The following NBPF9 variants were observed in gnomAD, a reference collection of about 807,000 sequenced individuals.
The protein encoded by NBPF9 is NBPF member 9.
NBPF9 carries 91 observed loss-of-function variants against 97.8 expected under a neutral mutation model. The ratio of observed to expected loss-of-function variants is 0.93; its 90% CI spans 0.79 to 1.11. The LOEUF (loss-of-function observed/expected upper bound fraction) is 1.11. Among genes scored for constraint, NBPF9 ranks in the 50% least tolerant of loss-of-function variants. NBPF9 has a pLI of 0.00. For missense variants in NBPF9, 992 were observed against 939.5 expected (o/e 1.06, Z -0.73); for synonymous variants, 334 against 359.5 (o/e 0.93, Z 0.80).
chr1:149,063,613 C>T lies in NBPF9; in HGVS notation c.2026+20G>A, dbSNP rs1553650685. ...AGAAGACTCAGTGGATCCTTATCAC[C>T]TTCATAGAAAGGTACTCACCATCCA... On this transcript the variant is annotated intron_variant, in intron 20 of 29. Coordinates refer to ENST00000584027, the Ensembl canonical transcript of NBPF9. 2 of 607,340 alleles carry T rather than the reference C, an allele frequency of 3.3e-6. No individual in the cohort carries two copies. The highest frequency in any genetic ancestry group is 2.8e-6 in the Non-Finnish European group (1 of 351,646). The allele number at this position is 607,340 out of a possible 1,614,324, so 37.6% of individuals were successfully genotyped here.
chr1:149,083,678 A>AT (rs1229320554), intron 5 of NBPF9, among the ~76,000 whole-genome samples: 1 of 151,836 alleles, frequency 6.6e-6, no homozygotes, highest in Non-Finnish European at 1.5e-5. Context: ...ATACATACAT[A>AT]TTTTTTGCTG....
intron 5 of NBPF9, among the ~76,000 whole-genome samples, chr1:149,089,188 G>T (rs1246202062): frequency 1.3e-5 from 2 of 152,190 alleles, no homozygotes; most frequent in African/African-American, 4.8e-5. Context: ...GCAGAGGAGA[G>T]GTGCCACAGG....
chr1:149,080,792 AATAG>A (rs1337829143), intron 7 of NBPF9, among the ~76,000 whole-genome samples: 3 of 121,014 alleles, frequency 2.5e-5, no homozygotes, highest in Non-Finnish European at 5.2e-5. Context: ...ATGAAGAACT[AATAG>A]ATAGTGTTTA....
chr1:149,064,378 G>C, intron 19 of NBPF9, 53 bp downstream of exon 19: 1 of 781,458 alleles, frequency 1.3e-6, no homozygotes, highest in South Asian at 1.4e-5. Flanking sequence ...CCCTGGACTT[G>C]GCATCTCCAG....
At chr1:149,089,190 T>C (rs4067695) in intron 5 of NBPF9, among the ~76,000 whole-genome samples, 1 of 151,862 alleles carries the variant, frequency 6.6e-6, no homozygotes, top group Non-Finnish European at 1.5e-5. Flanking sequence ...AGAGGAGAGG[T>C]GCCACAGGAC....
chr1:149,086,946 A>G (rs1360553670), intron 5 of NBPF9, among the ~76,000 whole-genome samples: 1 of 152,092 alleles, frequency 6.6e-6, no homozygotes, highest in Non-Finnish European at 1.5e-5. Flanking sequence ...TTTAACCTTT[A>G]AGAAACTGTT....
chr1:149,081,128 T>C (rs2080399408), intron 7 of NBPF9, among the ~76,000 whole-genome samples: 3 of 152,108 alleles, frequency 2.0e-5, no homozygotes, highest in African/African-American at 4.8e-5. Flanking sequence ...ATCTTTTTGT[T>C]TGTTTGTTTT....
intron 4 of NBPF9, among the ~76,000 whole-genome samples, chr1:149,093,014 G>C (rs1158653875): frequency 1.3e-4 from 19 of 151,754 alleles, no homozygotes; most frequent in Non-Finnish European, 1.6e-4. Context: ...AGCATACAGA[G>C]GACCCATGCC....
intron 4 of NBPF9, among the ~76,000 whole-genome samples, chr1:149,094,662 A>G (rs1482862950): frequency 4.4e-4 from 64 of 146,430 alleles, no homozygotes; most frequent in Non-Finnish European, 7.4e-4. Flanking sequence ...ACAAACTTTT[A>G]GGTTTCTATT....
chr1:149,082,461 G>A (rs1489038993), intron 5 of NBPF9, 31 bp from the exon 6 acceptor site: 20 of 775,804 alleles, frequency 2.6e-5, no homozygotes, highest in Non-Finnish European at 3.8e-5. Context: ...TTAGAAGGTG[G>A]GGGTGTCATG....
chr1:149,102,357 CTGG>C (rs1479212145), intron 2 of NBPF9, among the ~76,000 whole-genome samples: 2 of 138,790 alleles, frequency 1.4e-5, no homozygotes, highest in African/African-American at 2.7e-5. Context: ...TTCTGGTTCA[CTGG>C]TGAAATTTTA....
At chr1:149,086,195 C>A (rs1270684636) in intron 5 of NBPF9, among the ~76,000 whole-genome samples, 4 of 148,814 alleles carry the variant, frequency 2.7e-5, no homozygotes, top group African/African-American at 7.3e-5. Flanking sequence ...AGCATCCATA[C>A]GTGGCAGGCC....
intron 5 of NBPF9, among the ~76,000 whole-genome samples, chr1:149,087,383 A>G (rs1553658909): frequency 6.6e-6 from 1 of 150,640 alleles, no homozygotes; most frequent in Non-Finnish European, 1.5e-5. Flanking sequence ...ACATATATAT[A>G]TGTCCTAAGA....
intron 5 of NBPF9, among the ~76,000 whole-genome samples, chr1:149,086,302 G>T (rs1483009823): frequency 2.0e-5 from 3 of 151,516 alleles, no homozygotes; most frequent in Non-Finnish European, 2.9e-5. Flanking sequence ...AGAAGCCAGT[G>T]CCCTTATACA....
chr1:149,062,794 G>T, intron 21 of NBPF9, 68 bp downstream of exon 21: 18 of 764,452 alleles, frequency 2.4e-5, no homozygotes, highest in Admixed American at 5.1e-5. Context: ...ACACACTCTT[G>T]TTTTCCCTGG....
rs1575870653 is a variant in NBPF9 at position 149,089,567 on chromosome 1, G to A, written c.-195+1186C>T. ...GGCATAAGACAGGATGGAAATGAGT[G>A]GAGAGTGGATCTGTGGGAAGGAGGA... On this transcript the variant is annotated intron_variant, in intron 5 of 29. Coordinates refer to ENST00000584027, the Ensembl canonical transcript of NBPF9. 3.3e-5 allele frequency among the ~76,000 whole-genome samples: 5 copies of A among 152,410 alleles called. No individual in the cohort carries two copies. The East Asian group carries it at 9.6e-4, about 29-fold the overall frequency.
exon 30 of NBPF9, chr1:149,055,896 G>C (rs1553648764): frequency 6.2e-7 from 1 of 1,611,604 alleles, no homozygotes; most frequent in East Asian, 2.2e-5. Context: ...GCACGCCGTT[G>C]AGCCTGGAAA....
intron 7 of NBPF9, among the ~76,000 whole-genome samples, chr1:149,080,642 T>C (rs1244915063): frequency 5.4e-4 from 82 of 150,946 alleles, no homozygotes; most frequent in Non-Finnish European, 1.0e-3. Context: ...TATTCAGATA[T>C]GGTTTTAAGA....
In NBPF9 at chr1:149,094,875, G is replaced by A. The variant is rs1187685680; in HGVS notation, c.-337+3563C>T. On this transcript the variant is annotated intron_variant, in intron 4 of 29. Coordinates refer to ENST00000584027, the Ensembl canonical transcript of NBPF9. Reference sequence around the variant, plus strand: ...AAGCTACTGGGGACAGCAAGTGGGAGGAGCACTTAAATGATATTGACAGAT... The same window carrying A: ...AAGCTACTGGGGACAGCAAGTGGGAAGAGCACTTAAATGATATTGACAGAT... Among the ~76,000 whole-genome samples the A allele has an allele frequency of 6.1e-4, 88 of 145,160 alleles. 10 individuals carry two copies. The highest frequency in any genetic ancestry group is 2.3e-3 in the African/African-American group (86 of 37,004).
Sources: allele counts gnomAD v4.1 joint callset (sites outside exome capture counted in the v4.1 genomes callset), GRCh38; gene constraint gnomAD v4.1.1; transcripts MANE v1.5; gene names NCBI Gene and HGNC (gene_info 2026-07-23, HGNC 2026-07-21).